The following ZFR variants were observed in gnomAD, a reference collection of about 807,000 sequenced individuals.
ZFR encodes the protein zinc finger RNA-binding protein.
In ZFR, 19 loss-of-function variants were observed where a neutral mutation model predicts 130.7. The observed-to-expected ratio is 0.15, with a 90% CI of 0.10 to 0.21. ZFR has a LOEUF of 0.21. Among genes scored for constraint, ZFR ranks in the 10% least tolerant of loss-of-function variants. The pLI is 1.00. For missense variants in ZFR, 872 were observed against 1,321.5 expected (o/e 0.66, Z 5.27); for synonymous variants, 466 against 456.9 (o/e 1.02, Z -0.25).
intron 2 of ZFR, among the ~76,000 whole-genome samples, chr5:32,432,689 T>C (rs962135970): frequency 5.3e-5 from 8 of 152,102 alleles, no homozygotes; most frequent in Admixed American, 1.3e-4. Context: ...GTTATTATAA[T>C]AATAATTTTA....
intron 10 of ZFR, among the ~76,000 whole-genome samples, chr5:32,395,621 C>T (rs1296050388): frequency 6.6e-6 from 1 of 152,146 alleles, no homozygotes; most frequent in Non-Finnish European, 1.5e-5. Flanking sequence ...AATACACTTA[C>T]ATCTATGCTG....
At chr5:32,391,964 G>A (rs1164730595) in intron 11 of ZFR, among the ~76,000 whole-genome samples, 2 of 152,084 alleles carry the variant, frequency 1.3e-5, no homozygotes, top group African/African-American at 2.4e-5. Flanking sequence ...AAACTCCTGG[G>A]CTCAACTGAT....
At chr5:32,415,504 G>C (rs958362469) in intron 4 of ZFR, among the ~76,000 whole-genome samples, 1 of 93,202 alleles carries the variant, frequency 1.1e-5, no homozygotes, top group African/African-American at 5.3e-5. Context: ...GTGTGTGTGT[G>C]TGTGTGTGTG....
intron 2 of ZFR, among the ~76,000 whole-genome samples, chr5:32,438,132 C>A (rs1222095900): frequency 1.3e-5 from 2 of 151,716 alleles, no homozygotes; most frequent in Non-Finnish European, 2.9e-5. Flanking sequence ...TTGAATACTT[C>A]ATTTGTTTTA....
chr5:32,368,953 T>C (rs1418969384), intron 17 of ZFR, among the ~76,000 whole-genome samples: 1 of 131,922 alleles, frequency 7.6e-6, no homozygotes, highest in Non-Finnish European at 1.7e-5. Flanking sequence ...CATGGATCAC[T>C]ATTGACACAT....
intron 10 of ZFR, 148 bp downstream of exon 10, chr5:32,397,071 T>C: frequency 1.3e-6 from 1 of 787,862 alleles, no homozygotes; most frequent in African/African-American, 1.7e-5. Context: ...TCCATCTGAG[T>C]CTACCAACAT....
At chr5:32,358,433 G>A (rs752939334) in intron 19 of ZFR, among the ~76,000 whole-genome samples, 34 of 152,292 alleles carry the variant, frequency 2.2e-4, no homozygotes, top group African/African-American at 5.1e-4. Flanking sequence ...GGCCTAGACT[G>A]GCGCATCACG....
intron 14 of ZFR, among the ~76,000 whole-genome samples, chr5:32,387,276 A>G (rs1753063684): frequency 6.6e-6 from 1 of 152,202 alleles, no homozygotes; most frequent in South Asian, 2.1e-4. Flanking sequence ...AGTCTTGGAA[A>G]AAGAACAAGA....
rs371293370 is a variant in ZFR at position 32,356,178 on chromosome 5, T to G, written c.3046-239A>C. Reference sequence around the variant, plus strand: ...TAAGTAAAAAAAAAACCAAAAAACTTTAACACACACACAAAATTACAAAAA... The same window carrying G: ...TAAGTAAAAAAAAAACCAAAAAACTGTAACACACACACAAAATTACAAAAA... On this transcript the variant is annotated intron_variant, in intron 19 of 19. Transcript: ENST00000265069. 2.5e-3 allele frequency among the ~76,000 whole-genome samples: 376 copies of G among 152,146 alleles called. 2 individuals carry two copies. Among genetic ancestry groups the G allele is most frequent in the Non-Finnish European group, 4.0e-3 (271 of 67,982 alleles).
intron 2 of ZFR, among the ~76,000 whole-genome samples, chr5:32,436,283 G>C (rs1754332305): frequency 6.6e-6 from 1 of 150,910 alleles, no homozygotes; most frequent in African/African-American, 2.4e-5. Flanking sequence ...CGAGTAGCTG[G>C]GACTACAGGC....
At chr5:32,404,384 T>C (rs926466434) in intron 6 of ZFR, among the ~76,000 whole-genome samples, 2 of 152,208 alleles carry the variant, frequency 1.3e-5, no homozygotes, top group African/African-American at 4.8e-5. Context: ...TTGTTGCTTA[T>C]ATAAATGTTG....
chr5:32,408,313 T>A lies in ZFR; in HGVS notation c.785-1292A>T, dbSNP rs1327864232. On this transcript the variant is annotated intron_variant, in intron 5 of 19. Transcript: ENST00000265069. ...GCTTCCTGTATTGTGAACGTTTGAT[T>A]AAAAAAAAAAAAAAAAAAAAAAAAC... Among the ~76,000 whole-genome samples, 14 of 71,258 alleles carry A rather than the reference T, an allele frequency of 2.0e-4. No individual in the cohort carries two copies. In the East Asian group the frequency reaches 4.3e-3, roughly 22 times the overall value. The allele number at this position is 71,258 out of a possible 152,430, so 46.7% of individuals were successfully genotyped here.
intron 2 of ZFR, among the ~76,000 whole-genome samples, chr5:32,439,828 A>G (rs1046208971): frequency 1.3e-5 from 2 of 148,960 alleles, no homozygotes; most frequent in Non-Finnish European, 1.5e-5. Context: ...AAAAAAAAAA[A>G]GCCTCAAAGA....
At chr5:32,408,496 T>C (rs1235829396) in intron 5 of ZFR, among the ~76,000 whole-genome samples, 1 of 152,134 alleles carries the variant, frequency 6.6e-6, no homozygotes, top group Non-Finnish European at 1.5e-5. Flanking sequence ...TATAAAGATA[T>C]TATGTAAAAA....
chr5:32,363,782 T>C (rs1752482820), intron 19 of ZFR, among the ~76,000 whole-genome samples, 166 bp downstream of exon 19: 1 of 152,202 alleles, frequency 6.6e-6, no homozygotes, highest in South Asian at 2.1e-4. Flanking sequence ...TAGTGAAATC[T>C]AGTTTTGGGC....
chr5:32,409,768 T>C (rs566053780), intron 5 of ZFR, among the ~76,000 whole-genome samples: 8 of 152,112 alleles, frequency 5.3e-5, no homozygotes, highest in East Asian at 3.9e-4. Flanking sequence ...ATACAGAGAG[T>C]GACTATATTA....
At chr5:32,380,475 G>T in intron 15 of ZFR, 1 of 193,450 alleles carries the variant, frequency 5.2e-6, no homozygotes, top group Non-Finnish European at 9.6e-6. Context: ...AAGACAAGAG[G>T]GAACACAAAA....
Position 32,385,508 on chromosome 5 carries a change from C to A in ZFR, c.2641G>T (p.Asp881Tyr). Residue 881 changes from aspartate to tyrosine, a missense_variant and splice_region_variant, in exon 15 of 20, where the codon GAT (aspartate) becomes TAT (tyrosine). Physicochemically the swap from Asp to Tyr is radical, Grantham distance 160 (BLOSUM62 -3). Around this residue, in one of 7 missense-constraint regions of ZFR, gnomAD observed 158 missense variants for 264.0 expected, o/e 0.60. Coordinates refer to ENST00000265069, the MANE Select transcript of ZFR (RefSeq NM_016107.5). Reference sequence around the variant, plus strand: ...GTAGAAAGTTTAATGGCTTTCCAACCTCCTTCCCTCATGTTCTCTTCTCGA... The same window carrying A: ...GTAGAAAGTTTAATGGCTTTCCAACATCCTTCCCTCATGTTCTCTTCTCGA... ...IIREENMREG[D>Y]VTSGMVKDPP... 6.2e-7 allele frequency: 1 copy of A among 1,610,240 alleles called. No individual in the cohort carries two copies. Among genetic ancestry groups the A allele is most frequent in the Non-Finnish European group, 8.5e-7 (1 of 1,177,824 alleles).
rs760867993 is a variant in ZFR, at chr5:32,390,373, G to A, written c.2044C>T (p.Arg682Cys). The A allele has an allele frequency of 2.0e-5, 32 of 1,613,962 alleles. No individual in the cohort carries two copies. Among genetic ancestry groups the A allele is most frequent in the Non-Finnish European group, 2.5e-5 (30 of 1,180,018 alleles). Residue 682 changes from arginine to cysteine, a missense_variant, in exon 12 of 20, where the codon CGC becomes TGC. Arg to Cys is a radical substitution (Grantham distance 180). Around this residue, in one of 7 missense-constraint regions of ZFR, gnomAD observed 225 missense variants for 282.4 expected, o/e 0.80. Coordinates refer to ENST00000265069, the MANE Select transcript of ZFR (RefSeq NM_016107.5). ...EEEQHHWDDR[R>C]RMPDGGYPHG... ...GGATAACCTCCATCTGGCATTCGGC[G>A]GCGATCATCCCAATGATGTTGTTCT...
Sources: allele counts gnomAD v4.1 joint callset (sites outside exome capture counted in the v4.1 genomes callset), GRCh38; gene constraint gnomAD v4.1.1; regional missense constraint gnomAD v4.1.1; transcripts MANE v1.5; gene names NCBI Gene and HGNC (gene_info 2026-07-23, HGNC 2026-07-21).